Variants in CDC42BPA observed in about 807,000 individuals in gnomAD.
CDC42BPA encodes the protein CDC42 binding protein kinase alpha.
CDC42BPA carries 80 observed loss-of-function variants against 223.5 expected under a neutral mutation model. The observed-to-expected ratio is 0.36, with a 90% CI of 0.30 to 0.43. CDC42BPA has a LOEUF of 0.43. Among genes scored for constraint, CDC42BPA ranks in the 20% least tolerant of loss-of-function variants. The probability of loss-of-function intolerance (pLI) is 1.00; values close to 1 mark genes in which losing one functional copy is unlikely to be tolerated. For missense variants in CDC42BPA, 1,743 were observed against 2,099.9 expected, an observed-to-expected ratio of 0.83 and a Z score of 3.32; for synonymous variants, 694 against 718.6, an observed-to-expected ratio of 0.97 and a Z score of 0.55.
intron 2 of CDC42BPA, among the ~76,000 whole-genome samples, chr1:227,224,158 C>A (rs1378271072): frequency 6.6e-6 from 1 of 150,676 alleles, no homozygotes; most frequent in Non-Finnish European, 1.5e-5. Context: ...GTTTATAGGA[C>A]TCCAATTCCT....
intron 26 of CDC42BPA, among the ~76,000 whole-genome samples, 154 bp downstream of exon 26, chr1:227,034,501 T>C (rs1390244364): frequency 6.6e-6 from 1 of 152,228 alleles, no homozygotes; most frequent in Non-Finnish European, 1.5e-5. Flanking sequence ...CCTTACTTCC[T>C]ATTTTCAATT....
chr1:227,225,439 C>T (rs1411194943), intron 2 of CDC42BPA, among the ~76,000 whole-genome samples: 2 of 152,134 alleles, frequency 1.3e-5, no homozygotes, highest in Non-Finnish European at 2.9e-5. Context: ...AAGCACTGTT[C>T]TAAGTAGGGA....
chr1:227,031,374 G>C lies in CDC42BPA; in HGVS notation c.3699C>G (p.Arg1233=). The C allele has an allele frequency of 6.2e-7, 1 of 1,614,060 alleles. No homozygotes were observed. The highest frequency in any genetic ancestry group is 8.5e-7 in the Non-Finnish European group (1 of 1,179,976). The change falls in exon 28 of 37, where the codon CGC becomes CGG. Residue 1233 remains arginine (R), a synonymous_variant. Transcript: ENST00000366766. The part of the protein sequence containing the change: ...KILKKNKFRD[R]SVYVPKEAYD... ...AAGCCTCTTTGGGAACATAGACTGA[G>C]CGGTCTCTGAATTTGTTTTTCTTCA...
Position 227,112,863 on chromosome 1 carries a change from T to C in CDC42BPA, c.1698A>G (p.Lys566=). 1 of 1,614,080 alleles carries C rather than the reference T, an allele frequency of 6.2e-7. No individual in the cohort carries two copies. Among genetic ancestry groups the C allele is most frequent in the Admixed American group, 1.7e-5 (1 of 60,002 alleles). Residue 566 remains lysine, a synonymous_variant, in exon 13 of 37, where the codon AAA becomes AAG. Coordinates refer to ENST00000366766, the MANE Select transcript of CDC42BPA (RefSeq NM_001394014.1). ...CCAGTTTCCTCTGACAGTGTGCGTC[T>C]TTCAGCTCTTTGGATTGGTTTTTTA... ...ERLKNQSKEL[K]DAHCQRKLAM...
At chr1:227,275,474 T>A (rs1031499364) in intron 1 of CDC42BPA, among the ~76,000 whole-genome samples, 1 of 151,898 alleles carries the variant, frequency 6.6e-6, no homozygotes, top group African/African-American at 2.4e-5. Context: ...AACTATTAAA[T>A]AGAGAAAATC....
intron 5 of CDC42BPA, among the ~76,000 whole-genome samples, chr1:227,189,095 T>C (rs943754024): frequency 2.0e-5 from 3 of 152,168 alleles, no homozygotes; most frequent in Non-Finnish European, 4.4e-5. Context: ...TTCATTCCTA[T>C]CCCTGTCCAT....
chr1:227,310,944 G>A (rs571448189), intron 1 of CDC42BPA, among the ~76,000 whole-genome samples: 1 of 151,942 alleles, frequency 6.6e-6, no homozygotes, highest in South Asian at 2.1e-4. Context: ...GCCCACCTCG[G>A]CCTCCCAAAG....
intron 6 of CDC42BPA, among the ~76,000 whole-genome samples, chr1:227,156,093 GAAATA>G (rs1333771680): frequency 5.3e-5 from 8 of 151,376 alleles, no homozygotes; most frequent in East Asian, 3.9e-4. Flanking sequence ...TTAAAAATCT[GAAATA>G]AAATAAAGTT....
chr1:227,172,038 C>T (rs992240551), intron 5 of CDC42BPA, among the ~76,000 whole-genome samples: 1 of 152,076 alleles, frequency 6.6e-6, no homozygotes, highest in Non-Finnish European at 1.5e-5. Flanking sequence ...CCTACTCCTC[C>T]TTTTTTATAC....
At position 227,256,938 on chromosome 1, in the gene CDC42BPA, T is replaced by TACACACACACACACACACACAC. The variant is rs1442280387; in HGVS notation, c.179-2784_179-2783insGTGTGTGTGTGTGTGTGTGTGT. Among the ~76,000 whole-genome samples, 40 of 120,084 alleles carry TACACACACACACACACACACAC rather than the reference T, an allele frequency of 3.3e-4. 1 individual carries two copies. Among genetic ancestry groups the TACACACACACACACACACACAC allele is most frequent in the African/African-American group, 6.5e-4 (21 of 32,200 alleles). 78.8% of individuals were successfully genotyped at this position (120,084 alleles called of 152,430 possible). A position where few individuals can be genotyped will look rare whatever the true frequency, so the allele number is the denominator to read the frequency against. On this transcript the variant is annotated intron_variant, in intron 1 of 36. Coordinates refer to ENST00000366766, the MANE Select transcript of CDC42BPA (RefSeq NM_001394014.1). The stretch of plus-strand genomic sequence containing the variant: ...ATGAACAGATAAACAAAATGTGATA[T>TACACACACACACACACACACAC]ATATATACAGACACACACACACACA...
rs1200595508 is a variant in CDC42BPA at position 227,100,564 on chromosome 1, C to T, written c.2249+428G>A. 6.6e-5 allele frequency among the ~76,000 whole-genome samples: 10 copies of T among 151,864 alleles called. No individual in the cohort carries two copies. In the Admixed American group the frequency reaches 6.6e-4, roughly 10 times the overall value. On this transcript the variant is annotated intron_variant, in intron 15 of 36. Coordinates refer to ENST00000366766, the MANE Select transcript of CDC42BPA (RefSeq NM_001394014.1). ...CTCCTCCCTAGCTACTTCTTTCTTA[C>T]TAATTATATCTCAGCTTAGAAGTTT...
chr1:227,162,991 C>A (rs1664275678), intron 5 of CDC42BPA, among the ~76,000 whole-genome samples: 1 of 64,938 alleles, frequency 1.5e-5, no homozygotes, highest in Admixed American at 1.4e-4. Flanking sequence ...AACATGTTTC[C>A]AAACATGTGT....
intron 2 of CDC42BPA, among the ~76,000 whole-genome samples, chr1:227,226,834 A>G (rs1456981111): frequency 1.3e-5 from 2 of 152,234 alleles, no homozygotes; most frequent in African/African-American, 4.8e-5. Flanking sequence ...TAGTAAGAGT[A>G]ACATCAGCTG....
intron 5 of CDC42BPA, among the ~76,000 whole-genome samples, chr1:227,188,067 A>G (rs962480228): frequency 2.0e-5 from 3 of 152,200 alleles, no homozygotes; most frequent in African/African-American, 2.4e-5. Flanking sequence ...CTATGTAAAG[A>G]GAGGAACAGC....
At chr1:227,017,593 C>G (rs947319449) in intron 32 of CDC42BPA, among the ~76,000 whole-genome samples, 8 of 152,158 alleles carry the variant, frequency 5.3e-5, no homozygotes, top group Admixed American at 3.3e-4. Context: ...GCTTCCACTA[C>G]CCTTCCTTTA....
chr1:227,258,035 C>T (rs1207130515), intron 1 of CDC42BPA, among the ~76,000 whole-genome samples: 1 of 150,112 alleles, frequency 6.7e-6, no homozygotes, highest in Non-Finnish European at 1.5e-5. Flanking sequence ...ATCGGCCAGA[C>T]ACGGTGGCTT....
At chr1:227,128,005 C>T (rs932554937) in intron 11 of CDC42BPA, among the ~76,000 whole-genome samples, 3 of 152,088 alleles carry the variant, frequency 2.0e-5, no homozygotes, top group African/African-American at 4.8e-5. Flanking sequence ...CTAAACCCTG[C>T]GAAAAACTGC....
intron 32 of CDC42BPA, among the ~76,000 whole-genome samples, chr1:227,022,448 A>T (rs1384654430): frequency 1.3e-5 from 2 of 152,174 alleles, no homozygotes; most frequent in Non-Finnish European, 2.9e-5. Flanking sequence ...AAAAAAAATT[A>T]TTTAAAATAC....
intron 34 of CDC42BPA, chr1:227,010,926 G>A: frequency 1.1e-5 from 15 of 1,365,184 alleles, no homozygotes; most frequent in Non-Finnish European, 1.5e-5. Context: ...GCAGAGACGG[G>A]GAATATTCAG....
Sources: gnomAD v4.1 joint callset for allele counts (sites outside exome capture counted in the v4.1 genomes callset) on GRCh38, gnomAD v4.1.1 for gene constraint, MANE v1.5 for transcripts, NCBI Gene and HGNC (gene_info 2026-07-23, HGNC 2026-07-21) for gene names.